Variants in TRHDE observed in about 807,000 individuals in gnomAD.
The protein encoded by TRHDE is thyrotropin releasing hormone degrading enzyme.
TRHDE carries 72 observed loss-of-function variants against 125.7 expected under a neutral mutation model. The ratio of observed to expected loss-of-function variants is 0.57; its 90% CI spans 0.47 to 0.70. The LOEUF (loss-of-function observed/expected upper bound fraction) is 0.70. Among genes scored for constraint, TRHDE ranks in the 30% least tolerant of loss-of-function variants. TRHDE has a pLI of 0.00. For missense variants in TRHDE, 1,110 were observed against 1,327.1 expected (o/e 0.84, Z 2.54); for synonymous variants, 509 against 509.1 (o/e 1.00, Z 0.00).
intron 12 of TRHDE, among the ~76,000 whole-genome samples, chr12:72,576,261 G>A (rs1183936957): frequency 6.6e-6 from 1 of 152,018 alleles, no homozygotes; most frequent in Non-Finnish European, 1.5e-5. Context: ...TGTCAATTAA[G>A]ACAGGTGACT....
intron 3 of TRHDE, among the ~76,000 whole-genome samples, chr12:72,391,869 T>A (rs1565724740): frequency 6.6e-6 from 1 of 152,176 alleles, no homozygotes; most frequent in Non-Finnish European, 1.5e-5. Flanking sequence ...TTGAATTGTG[T>A]CTCCCCAAAT....
chr12:72,146,129 C>T (rs552111997), intron 2 of TRHDE, among the ~76,000 whole-genome samples: 1 of 152,248 alleles, frequency 6.6e-6, no homozygotes, highest in African/African-American at 2.4e-5. Flanking sequence ...GAGTGATCTC[C>T]TTGAGGAAAG....
chr12:72,405,068 A>T (rs1320192357), intron 3 of TRHDE, among the ~76,000 whole-genome samples: 1 of 152,214 alleles, frequency 6.6e-6, no homozygotes. Flanking sequence ...TTATTTCTTG[A>T]GTGCCTACTA....
intron 2 of TRHDE, among the ~76,000 whole-genome samples, chr12:72,171,935 A>G (rs1876883099): frequency 6.6e-6 from 1 of 152,206 alleles, no homozygotes; most frequent in Admixed American, 6.5e-5. Context: ...AATATACTAC[A>G]TGAGCCTTCA....
At chr12:72,584,132 T>C (rs1871350951) in intron 12 of TRHDE, among the ~76,000 whole-genome samples, 1 of 152,016 alleles carries the variant, frequency 6.6e-6, no homozygotes, top group African/African-American at 2.4e-5. Context: ...AAAAGCAAAT[T>C]TGTAACCTTC....
At chr12:72,594,772 C>G (rs557722740) in intron 12 of TRHDE, among the ~76,000 whole-genome samples, 1 of 151,660 alleles carries the variant, frequency 6.6e-6, no homozygotes, top group Non-Finnish European at 1.5e-5. Flanking sequence ...GGGTATATAC[C>G]CAAAAGACTA....
chr12:72,324,269 CAG>C (rs1228271616), intron 2 of TRHDE, among the ~76,000 whole-genome samples: 3 of 151,970 alleles, frequency 2.0e-5, no homozygotes, highest in African/African-American at 7.3e-5. Context: ...AGTTAAATGA[CAG>C]AGTCAAAAAT....
At chr12:72,634,878 C>T (rs1447942064) in intron 15 of TRHDE, among the ~76,000 whole-genome samples, 1 of 152,058 alleles carries the variant, frequency 6.6e-6, no homozygotes, top group East Asian at 1.9e-4. Context: ...ATATGTGCCA[C>T]ATTTTCTTAA....
intron 12 of TRHDE, among the ~76,000 whole-genome samples, chr12:72,590,521 C>T (rs1871627544): frequency 6.6e-6 from 1 of 152,068 alleles, no homozygotes; most frequent in Non-Finnish European, 1.5e-5. Context: ...AATGGGGTCA[C>T]ATACACATTT....
intron 2 of TRHDE, chr12:72,186,715 G>A (rs951811236): frequency 6.6e-6 from 1 of 151,554 alleles, no homozygotes; most frequent in African/African-American, 2.4e-5. Flanking sequence ...ATTGCCCATT[G>A]CCAAACAACA....
intron 6 of TRHDE, among the ~76,000 whole-genome samples, chr12:72,507,020 C>T (rs919289853): frequency 5.3e-5 from 8 of 152,046 alleles, no homozygotes; most frequent in African/African-American, 1.9e-4. Flanking sequence ...ACCACCTCAC[C>T]CTACTCTCTT....
chr12:72,470,764 C>T (rs2135898657), intron 4 of TRHDE, among the ~76,000 whole-genome samples: 1 of 150,984 alleles, frequency 6.6e-6, no homozygotes, highest in South Asian at 2.1e-4. Context: ...GTGAAAAATG[C>T]CGTCAGTGAA....
chr12:72,311,213 TC>T, intron 2 of TRHDE, among the ~76,000 whole-genome samples: 1 of 152,208 alleles, frequency 6.6e-6, no homozygotes, highest in Non-Finnish European at 1.5e-5. Flanking sequence ...ATTTTTTTTT[TC>T]TTTTCCCACT....
rs1319153651 is a variant in TRHDE at position 72,548,597 on chromosome 12, T to C, written c.1788+6241T>C. ...TAATTCAAGTAATTATTCTTTTGGA[T>C]ATATATCTTTACATGACTTGGATTT... On this transcript the variant is annotated intron_variant, in intron 7 of 18. Transcript: ENST00000261180. Among the ~76,000 whole-genome samples the C allele has an allele frequency of 2.0e-5, 3 of 151,906 alleles. No individual in the cohort carries two copies. In the East Asian group the frequency reaches 5.8e-4, roughly 29 times the overall value.
chr12:72,424,501 G>C (rs1286264488), intron 3 of TRHDE, among the ~76,000 whole-genome samples: 1 of 152,154 alleles, frequency 6.6e-6, no homozygotes, highest in Admixed American at 6.6e-5. Flanking sequence ...AGTGAGACCT[G>C]TGTTGGACTT....
At chr12:72,154,921 T>A (rs1019968428) in intron 2 of TRHDE, among the ~76,000 whole-genome samples, 9 of 152,190 alleles carry the variant, frequency 5.9e-5, no homozygotes, top group Non-Finnish European at 1.3e-4. Flanking sequence ...TCTGTACTTC[T>A]TGAATTTGAA....
intron 6 of TRHDE, among the ~76,000 whole-genome samples, chr12:72,508,892 G>A (rs1878467268): frequency 6.6e-6 from 1 of 151,986 alleles, no homozygotes; most frequent in African/African-American, 2.4e-5. Context: ...ACCTCCCCCT[G>A]CTCTTTTCTT....
chr12:72,392,303 A>T (rs1439988913), intron 3 of TRHDE, among the ~76,000 whole-genome samples: 3 of 152,220 alleles, frequency 2.0e-5, no homozygotes, highest in Non-Finnish European at 4.4e-5. Flanking sequence ...GACATGGCCA[A>T]AATAAAGAGT....
At chr12:72,434,119 TCA>T (rs1874626235) in intron 3 of TRHDE, among the ~76,000 whole-genome samples, 2 of 152,140 alleles carry the variant, frequency 1.3e-5, no homozygotes, top group African/African-American at 4.8e-5. Flanking sequence ...GCACAGTGGC[TCA>T]CGCCTATAGT....
Sources: gnomAD v4.1 joint callset for allele counts (sites outside exome capture counted in the v4.1 genomes callset) on GRCh38, gnomAD v4.1.1 for gene constraint, MANE v1.5 for transcripts, NCBI Gene and HGNC (gene_info 2026-07-23, HGNC 2026-07-21) for gene names.